ENTPD1: variants seen among roughly 807,000 people sequenced by gnomAD.
The protein encoded by ENTPD1 is ATP diphosphohydrolase.
ENTPD1 carries 33 observed loss-of-function variants against 57.0 expected under a neutral mutation model. The observed-to-expected ratio is 0.58, with a 90% CI of 0.44 to 0.77. The LOEUF is 0.77. ENTPD1 is among the 30% of genes least tolerant of loss of function. The pLI is 0.00. For missense variants in ENTPD1, 501 were observed against 603.4 expected, an observed-to-expected ratio of 0.83 and a Z score of 1.78; for synonymous variants, 202 against 218.8, an observed-to-expected ratio of 0.92 and a Z score of 0.68.
chr10:95,866,591 C>T lies in ENTPD1; in HGVS notation c.*208C>T. 1 of 1,419,438 alleles carries T rather than the reference C, an allele frequency of 7.0e-7. No individual in the cohort carries two copies. Among genetic ancestry groups the T allele is most frequent in the Non-Finnish European group, 9.2e-7 (1 of 1,089,830 alleles). 87.9% of individuals were successfully genotyped at this position (1,419,438 alleles called of 1,614,324 possible). A position where few individuals can be genotyped will look rare whatever the true frequency, so the allele number is the denominator to read the frequency against. On this transcript the variant is annotated 3_prime_UTR_variant, in exon 10 of 10. Transcript: ENST00000371205. ...GGACTTCGGCAGATACTGTCTCTTT[C>T]ATGAGTTTTTCCCAGCTACACCTTT...
intron 1 of ENTPD1, among the ~76,000 whole-genome samples, chr10:95,801,036 A>T (rs939548774): frequency 2.6e-5 from 4 of 152,196 alleles, no homozygotes; most frequent in African/African-American, 9.6e-5. Flanking sequence ...ATGTTCAGAG[A>T]TTGCAGTAAA....
At chr10:95,710,759 G>A (rs2097964903), upstream of ENTPD1, among the ~76,000 whole-genome samples, 1 of 151,972 alleles carries the variant, frequency 6.6e-6, no homozygotes, top group Admixed American at 6.6e-5. Flanking sequence ...CTTGGAGACT[G>A]TCTATAGTCC....
At chr10:95,789,704 AG>A (rs2098195297) in intron 1 of ENTPD1, among the ~76,000 whole-genome samples, 1 of 152,240 alleles carries the variant, frequency 6.6e-6, no homozygotes, top group African/African-American at 2.4e-5. Context: ...TATTATAAAA[AG>A]TTAACATTTA....
At chr10:95,735,198 A>G (rs187592403) in intron 1 of ENTPD1, among the ~76,000 whole-genome samples, 14 of 152,032 alleles carry the variant, frequency 9.2e-5, no homozygotes, top group Admixed American at 8.5e-4. Context: ...CACCTGGCCA[A>G]TTTTGTATTT....
At chr10:95,844,374 G>T in intron 4 of ENTPD1, 102 bp from the exon 5 acceptor site, 1 of 1,499,824 alleles carries the variant, frequency 6.7e-7, no homozygotes, top group South Asian at 1.1e-5. Context: ...AGGGCATTAT[G>T]GTTCACTTCT....
intron 9 of ENTPD1, among the ~76,000 whole-genome samples, chr10:95,865,923 G>A (rs986016390): frequency 2.0e-5 from 3 of 151,884 alleles, no homozygotes; most frequent in Non-Finnish European, 2.9e-5. Context: ...ATGTTCCACC[G>A]TGCCCAGCTA....
At chr10:95,752,034 T>C (rs2098012779), upstream of ENTPD1, among the ~76,000 whole-genome samples, 1 of 151,878 alleles carries the variant, frequency 6.6e-6, no homozygotes. Flanking sequence ...AGGAGGAAAA[T>C]CAGACATGAG....
chr10:95,860,834 G>C (rs996222541), intron 8 of ENTPD1, among the ~76,000 whole-genome samples: 2 of 152,198 alleles, frequency 1.3e-5, no homozygotes, highest in Admixed American at 6.5e-5. Context: ...TGCTGGCATG[G>C]GGTCAGCAGC....
At chr10:95,786,731 C>T (rs1456896767) in intron 1 of ENTPD1, among the ~76,000 whole-genome samples, 1 of 152,090 alleles carries the variant, frequency 6.6e-6, no homozygotes, top group Non-Finnish European at 1.5e-5. Context: ...AAAGATGAAA[C>T]CTGGAAATCT....
chr10:95,803,635 T>G (rs2098260018), intron 1 of ENTPD1, among the ~76,000 whole-genome samples: 1 of 152,158 alleles, frequency 6.6e-6, no homozygotes. Context: ...TCGCAAAAAT[T>G]TCCTCCCATT....
At chr10:95,845,658 G>A (rs1725870661) in intron 6 of ENTPD1, 62 bp downstream of exon 6, 2 of 1,613,744 alleles carry the variant, frequency 1.2e-6, no homozygotes, top group African/African-American at 1.3e-5. Context: ...CCCACATCCT[G>A]TTGTTTTCTG....
chr10:95,852,000 G>A (rs1009733029), intron 7 of ENTPD1, among the ~76,000 whole-genome samples: 82 of 152,218 alleles, frequency 5.4e-4, no homozygotes, highest in Non-Finnish European at 8.5e-4. Context: ...TTGAGGAATC[G>A]CCACACTGTC....
Position 95,830,299 on chromosome 10 carries a change from A to G in ENTPD1, c.144+6935A>G, listed in dbSNP as rs527495047. On this transcript the variant is annotated intron_variant, in intron 2 of 9. Coordinates refer to ENST00000371205, the MANE Select transcript of ENTPD1 (RefSeq NM_001776.6). ...GCTCAGTATGGTTAGATTGTTGAAT[A>G]TGGGGGCAGGAAGGAGAGGTGGAAG... 1.4e-4 allele frequency among the ~76,000 whole-genome samples: 21 copies of G among 152,226 alleles called. No homozygotes were observed. The South Asian group carries it at 3.9e-3, about 29-fold the overall frequency.
At chr10:95,755,465 C>T (rs2098019900), upstream of ENTPD1, 1 of 522,252 alleles carries the variant, frequency 1.9e-6, no homozygotes, top group South Asian at 2.9e-5. Flanking sequence ...GTAATCTTGA[C>T]GGTCTGGATG....
At chr10:95,699,402 G>A in the ENTPD1 span, among the ~76,000 whole-genome samples, 2 of 152,100 alleles carry the variant, frequency 1.3e-5, no homozygotes, top group African/African-American at 2.4e-5. Flanking sequence ...CTAAGTTCAG[G>A]AGTTAAAGAC....
chr10:95,789,345 A>T (rs1044693095), intron 1 of ENTPD1, among the ~76,000 whole-genome samples: 1 of 152,228 alleles, frequency 6.6e-6, no homozygotes, highest in African/African-American at 2.4e-5. Context: ...AAAGTCTTAA[A>T]TATGGAAGAT....
the ENTPD1 span, among the ~76,000 whole-genome samples, chr10:95,703,075 G>A: frequency 2.6e-5 from 4 of 151,812 alleles, no homozygotes; most frequent in East Asian, 1.9e-4. Context: ...GTGAGCCACC[G>A]CGCCCGGCCT....
intron 1 of ENTPD1, among the ~76,000 whole-genome samples, chr10:95,739,655 A>G (rs2097998238): frequency 1.3e-5 from 2 of 152,120 alleles, no homozygotes; most frequent in Admixed American, 6.5e-5. Flanking sequence ...CCTCCAAGTC[A>G]TCTATAAGGG....
chr10:95,812,786 A>T (rs1386486948), intron 1 of ENTPD1, among the ~76,000 whole-genome samples: 1 of 152,244 alleles, frequency 6.6e-6, no homozygotes, highest in Non-Finnish European at 1.5e-5. Flanking sequence ...GGCCATTCTA[A>T]TAAGTGTATA....
Sources: gnomAD v4.1 joint callset for allele counts (sites outside exome capture counted in the v4.1 genomes callset) on GRCh38, gnomAD v4.1.1 for gene constraint, MANE v1.5 for transcripts, NCBI Gene and HGNC (gene_info 2026-07-23, HGNC 2026-07-21) for gene names.